The following DLGAP2 variants were observed in gnomAD, a reference collection of about 807,000 sequenced individuals.
DLGAP2 encodes DLG associated protein 2, also known as disks large-associated protein 2.
Under a neutral mutation model 100.3 loss-of-function variants are expected in DLGAP2, and 26 were observed. The observed-to-expected ratio is 0.26, with a 90% CI of 0.19 to 0.36. The LOEUF (loss-of-function observed/expected upper bound fraction) is 0.36, where lower values mean the gene tolerates loss of function less well. Ranked by LOEUF, DLGAP2 falls within the 10% of genes least tolerant of loss-of-function variation. The pLI is 1.00. For missense variants in DLGAP2, 1,858 were observed against 1,453.2 expected (o/e 1.28, Z -4.53); for synonymous variants, 886 against 630.1 (o/e 1.41, Z -6.08).
At chr8:836,915 C>T (rs1360840609) in intron 1 of DLGAP2, among the ~76,000 whole-genome samples, 3 of 152,232 alleles carry the variant, frequency 2.0e-5, no homozygotes, top group African/African-American at 4.8e-5. Context: ...TGCCAGCGCA[C>T]ATGCACACAC....
At chr8:935,941 G>A (rs945452298) in intron 2 of DLGAP2, among the ~76,000 whole-genome samples, 3 of 152,168 alleles carry the variant, frequency 2.0e-5, no homozygotes, top group Non-Finnish European at 4.4e-5. Context: ...TAAGAGTGGG[G>A]ACATTTAACA....
At chr8:1,419,008 C>T (rs1479053103) in intron 3 of DLGAP2, among the ~76,000 whole-genome samples, 1 of 152,270 alleles carries the variant, frequency 6.6e-6, no homozygotes, top group African/African-American at 2.4e-5. Context: ...AACGAAGGGG[C>T]ACATGGGGCG....
intron 6 of DLGAP2, among the ~76,000 whole-genome samples, chr8:1,613,959 C>G (rs1269003186): frequency 6.6e-6 from 1 of 152,188 alleles, no homozygotes; most frequent in African/African-American, 2.4e-5. Context: ...ATTCCCGGTA[C>G]AAATATGAAC....
intron 3 of DLGAP2, among the ~76,000 whole-genome samples, chr8:1,316,038 G>T (rs1458160924): frequency 1.5e-5 from 2 of 131,922 alleles, no homozygotes; most frequent in African/African-American, 5.5e-5. Flanking sequence ...CGAGACACTT[G>T]GCAGCTTTTA....
At chr8:1,313,057 T>C (rs1407827011) in intron 3 of DLGAP2, among the ~76,000 whole-genome samples, 1 of 152,234 alleles carries the variant, frequency 6.6e-6, no homozygotes, top group African/African-American at 2.4e-5. Flanking sequence ...TGCCGGCCAC[T>C]GTCTGTGCTG....
chr8:995,276 C>G (rs1800753754), intron 2 of DLGAP2, among the ~76,000 whole-genome samples: 1 of 152,126 alleles, frequency 6.6e-6, no homozygotes, highest in African/African-American at 2.4e-5. Context: ...TTAGAATAAG[C>G]ACTCTGGTTT....
chr8:1,004,933 G>A (rs1295932420), intron 2 of DLGAP2, among the ~76,000 whole-genome samples: 2 of 152,208 alleles, frequency 1.3e-5, no homozygotes, highest in African/African-American at 2.4e-5. Context: ...GCACCATGCA[G>A]GAAGGCTGCG....
intron 2 of DLGAP2, among the ~76,000 whole-genome samples, chr8:1,129,067 T>C (rs1796232295): frequency 6.6e-6 from 1 of 152,238 alleles, no homozygotes; most frequent in African/African-American, 2.4e-5. Flanking sequence ...TTCATGGTCC[T>C]CTGTCGCTTT....
At chr8:930,886 G>A (rs1798941441) in intron 2 of DLGAP2, among the ~76,000 whole-genome samples, 1 of 152,104 alleles carries the variant, frequency 6.6e-6, no homozygotes, top group Admixed American at 6.5e-5. Context: ...AATCCCTCTG[G>A]AACTGCATGA....
chr8:1,202,241 A>AGTGTGTGTGTGT (rs36230610), intron 2 of DLGAP2, among the ~76,000 whole-genome samples: 1 of 149,164 alleles, frequency 6.7e-6, no homozygotes, highest in East Asian at 2.0e-4. Flanking sequence ...GTATAGATGC[A>AGTGTGTGTGTGT]GTGTGTGTGT....
At chr8:1,217,804 G>A (rs1798242855) in intron 2 of DLGAP2, among the ~76,000 whole-genome samples, 1 of 152,172 alleles carries the variant, frequency 6.6e-6, no homozygotes, top group Admixed American at 6.5e-5. Flanking sequence ...CATTCTGACT[G>A]GTGTGAGAGG....
At chr8:1,102,305 A>G (rs1030696038) in intron 2 of DLGAP2, among the ~76,000 whole-genome samples, 18 of 147,542 alleles carry the variant, frequency 1.2e-4, no homozygotes, top group Non-Finnish European at 1.9e-4. Flanking sequence ...CATGTAATAT[A>G]TAATTACATA....
intron 2 of DLGAP2, among the ~76,000 whole-genome samples, chr8:1,082,161 A>C (rs1026257562): frequency 9.9e-5 from 15 of 152,100 alleles, no homozygotes; most frequent in African/African-American, 3.6e-4. Flanking sequence ...TACCTAAAGA[A>C]CATCTCTGTC....
intron 2 of DLGAP2, among the ~76,000 whole-genome samples, chr8:1,020,439 T>C: frequency 6.6e-6 from 1 of 152,216 alleles, no homozygotes; most frequent in East Asian, 1.9e-4. Context: ...GCTGAGGCAT[T>C]ATAGCTTAGC....
At chr8:1,604,414 G>A (rs1452657396) in intron 6 of DLGAP2, 1 of 152,136 alleles carries the variant, frequency 6.6e-6, no homozygotes, top group Non-Finnish European at 1.5e-5. Context: ...TCAAAGTGTG[G>A]TCTGGCCCAT....
At chr8:868,021 C>T (rs1797530262) in intron 1 of DLGAP2, among the ~76,000 whole-genome samples, 1 of 152,128 alleles carries the variant, frequency 6.6e-6, no homozygotes, top group Admixed American at 6.5e-5. Flanking sequence ...CATCATGCAT[C>T]CATTGCTTAA....
chr8:889,922 T>G (rs1797999896), intron 1 of DLGAP2, among the ~76,000 whole-genome samples: 4 of 152,206 alleles, frequency 2.6e-5, no homozygotes, highest in Admixed American at 6.5e-5. Flanking sequence ...ATCCGTGGGT[T>G]GCACGGTTTT....
At chr8:1,095,563 C>T (rs545568706) in intron 2 of DLGAP2, among the ~76,000 whole-genome samples, 2 of 152,244 alleles carry the variant, frequency 1.3e-5, no homozygotes, top group East Asian at 1.9e-4. Flanking sequence ...CAGTGTCCAC[C>T]GTCAACACTG....
At chr8:905,361 G>C (rs559771734) in intron 1 of DLGAP2, among the ~76,000 whole-genome samples, 10 of 152,252 alleles carry the variant, frequency 6.6e-5, no homozygotes, top group African/African-American at 2.4e-4. Flanking sequence ...CATGAGAATG[G>C]ACAGTGCACA....
Sources: gnomAD v4.1 joint callset for allele counts (sites outside exome capture counted in the v4.1 genomes callset) on GRCh38, gnomAD v4.1.1 for gene constraint, MANE v1.5 for transcripts, NCBI Gene and HGNC (gene_info 2026-07-23, HGNC 2026-07-21) for gene names.